The following KMT2D variants were observed in gnomAD, a reference collection of about 807,000 sequenced individuals.
The protein encoded by KMT2D is lysine methyltransferase 2D.
KMT2D carries 55 observed loss-of-function variants against 512.7 expected under a neutral mutation model. The observed-to-expected ratio is 0.11, with a 90% CI of 0.09 to 0.13. The LOEUF is 0.13. KMT2D is among the 10% of genes least tolerant of loss of function. KMT2D has a pLI of 1.00. For missense variants in KMT2D, 6,061 were observed against 7,127.9 expected (o/e 0.85, Z 5.39); for synonymous variants, 2,995 against 2,904.0 (o/e 1.03, Z -1.01).
chr12:49,037,763 G>C lies in KMT2D; in HGVS notation c.9593C>G (p.Pro3198Arg), dbSNP rs2120485313. 1.3e-6 allele frequency: 2 copies of C among 1,592,584 alleles called. No homozygotes were observed. The highest frequency in any genetic ancestry group is 1.1e-5 in the South Asian group (1 of 87,686). ...TGGPPAHLLT[P>R]SPLSGPGGSS... Reference sequence around the variant, plus strand: ...TCCTCCTGGGCCACTCAGTGGGCTGGGGGTCAGCAGGTGAGCTGGTGGTCC... The same window carrying C: ...TCCTCCTGGGCCACTCAGTGGGCTGCGGGTCAGCAGGTGAGCTGGTGGTCC... Residue 3198 changes from proline to arginine, a missense_variant, in exon 35 of 55, where the codon CCC becomes CGC. Physicochemically the swap from Pro to Arg is moderately radical, Grantham distance 103. Coordinates refer to ENST00000301067, the MANE Select transcript of KMT2D (RefSeq NM_003482.4).
Position 49,050,178 on chromosome 12 carries a change from G to C in KMT2D, c.3410C>G (p.Pro1137Arg), listed in dbSNP as rs760975158. The change falls in exon 12 of 55, where the codon CCT becomes CGT. Residue 1137 changes from proline (P) to arginine (R), a missense_variant. By Grantham distance (103) the Pro-to-Arg change is moderately radical. This residue lies in a region of KMT2D where 447 missense variants were observed against 500.1 expected (regional missense o/e 0.89). Transcript: ENST00000301067. ...AGCCAAACTGCCAGGGGTCTGTCCA[G>C]GCTCTGGCTGTGAACCCGGAGCATC... is the stretch of plus-strand genomic sequence containing the variant. The part of the protein sequence containing the change: ...GIDAPGSQPE[P>R]GQTPGSLASE... 3 of 1,613,850 alleles carry C rather than the reference G, an allele frequency of 1.9e-6. No homozygotes were observed. The highest frequency in any genetic ancestry group is 3.3e-5 in the Admixed American group (2 of 60,020).
Position 49,040,849 on chromosome 12 carries a change from A to G in KMT2D, c.6921T>C (p.Val2307=). 1 of 1,613,768 alleles carries G rather than the reference A, an allele frequency of 6.2e-7. No homozygotes were observed. Among genetic ancestry groups the G allele is most frequent in the Non-Finnish European group, 8.5e-7 (1 of 1,179,752 alleles). Residue 2307 remains valine (V), a synonymous_variant, in exon 32 of 55, where the codon GTT becomes GTC. Transcript: ENST00000301067. ...PSYGPPNLGF[V]DSPSSGTHLG... ...GGTGGGTGCCTGAGGAGGGTGAGTC[A>G]ACAAAGCCCAGGTTTGGGGGCCCAT...
In KMT2D at chr12:49,032,936, T is replaced by C. The variant is rs1943016692; in HGVS notation, c.11769A>G (p.Gln3923=). 2 of 1,550,346 alleles carry C rather than the reference T, an allele frequency of 1.3e-6. No individual in the cohort carries two copies. Among genetic ancestry groups the C allele is most frequent in the Non-Finnish European group, 8.7e-7 (1 of 1,146,834 alleles). The change falls in exon 40 of 55, where the codon CAA becomes CAG. Residue 3923 remains glutamine, a synonymous_variant. Coordinates refer to ENST00000301067, the MANE Select transcript of KMT2D (RefSeq NM_003482.4). ...QQQQQQQLQQ[Q]QQLQQQQLQQ... is the part of the protein sequence containing the mutation. ...GAAGCTGTTGCTGCTGAAGTTGCTG[T>C]TGCTGTTGTAGCTGCTGCTGCTGCT...
In KMT2D at chr12:49,031,124, C is replaced by T. The variant is rs534206546; in HGVS notation, c.13530+51G>A. 161 of 1,609,612 alleles carry T rather than the reference C, an allele frequency of 1.0e-4. 3 individuals are homozygous for T. The South Asian group carries it at 1.4e-3, about 14-fold the overall frequency. ...ACCCAGGCTCACTCATTCTGCCCCCCGCTGGCTCTAGGACCCACTCTACCT... is the reference window on the plus strand; with the variant it reads ...ACCCAGGCTCACTCATTCTGCCCCCTGCTGGCTCTAGGACCCACTCTACCT... On this transcript the variant is annotated intron_variant, in intron 40 of 54. Transcript: ENST00000301067.
chr12:49,046,857 T>C lies in KMT2D; in HGVS notation c.4237-67A>G. The C allele has an allele frequency of 6.9e-7, 1 of 1,448,986 alleles. No individual in the cohort carries two copies. Among genetic ancestry groups the C allele is most frequent in the Non-Finnish European group, 9.3e-7 (1 of 1,070,226 alleles). The allele number at this position is 1,448,986 out of a possible 1,614,324, so 89.8% of individuals were successfully genotyped here. On this transcript the variant is annotated intron_variant, in intron 15 of 54. Coordinates refer to ENST00000301067, the MANE Select transcript of KMT2D (RefSeq NM_003482.4). The surrounding 1 kb of genome is among the most constrained non-coding windows in gnomAD (Gnocchi z 4.2). ...AAGAGGTAGAACTTCTTTTTATTTT[T>C]TTTTGGAGATGGAGTTTTGCTCTTG...
At chr12:49,048,431 A>C (rs1937691341) in intron 14 of KMT2D, among the ~76,000 whole-genome samples, 1 of 152,242 alleles carries the variant, frequency 6.6e-6, no homozygotes, top group South Asian at 2.1e-4. Context: ...AATAAGGCAA[A>C]GACTTTTTCA....
In KMT2D at chr12:49,054,790, A is replaced by G. The variant is rs200968437; in HGVS notation, c.177-39T>C. ...AGCATCAGTACCACGCCAGGCCCCCAGCAACCCCATGATCTGGCATGCCCA... is the reference window on the plus strand; with the variant it reads ...AGCATCAGTACCACGCCAGGCCCCCGGCAACCCCATGATCTGGCATGCCCA... On this transcript the variant is annotated intron_variant, in intron 3 of 54. Coordinates refer to ENST00000301067, the MANE Select transcript of KMT2D (RefSeq NM_003482.4). This position sits in a 1 kb window ranked among gnomAD's most constrained non-coding sequence, Gnocchi z 6.4. The G allele has an allele frequency of 6.2e-7, 1 of 1,607,578 alleles. No individual in the cohort carries two copies.
At position 49,060,709 on chromosome 12, in the gene KMT2D, C is replaced by CG. The variant is rs1470580780; in HGVS notation, c.-1135dup. 2.6e-5 allele frequency among the ~76,000 whole-genome samples: 4 copies of CG among 152,244 alleles called. No individual in the cohort carries two copies. Among genetic ancestry groups the CG allele is most frequent in the African/African-American group, 9.6e-5 (4 of 41,562 alleles). The stretch of plus-strand genomic sequence containing the variant: ...TTCGTGAAGCCTTCGGCGCTAGATC[C>CG]GGGGGGGCCTTTTGCCCGGGGCACC... On this transcript the variant is annotated 5_prime_UTR_variant, in exon 1 of 55. Transcript: ENST00000301067.
intron 43 of KMT2D, among the ~76,000 whole-genome samples, chr12:49,029,696 C>T (rs770621369): frequency 1.9e-4 from 28 of 144,556 alleles, no homozygotes; most frequent in Non-Finnish European, 3.2e-4. Flanking sequence ...TTTTTTTTCC[C>T]GTAGAGATGG....
intron 13 of KMT2D, 139 bp downstream of exon 13, chr12:49,048,966 C>A: frequency 1.4e-6 from 1 of 697,924 alleles, no homozygotes. Context: ...AACCTGCGGG[C>A]CAAGTGGACA....
Position 49,028,072 on chromosome 12 carries a change from G to T in KMT2D, c.14452C>A (p.Leu4818Met), listed in dbSNP as rs1218498727. 1 of 1,613,964 alleles carries T rather than the reference G, an allele frequency of 6.2e-7. No homozygotes were observed. The highest frequency in any genetic ancestry group is 2.2e-5 in the East Asian group (1 of 44,872). ...GCCCGGGCGGGGCTCTCTGGGAACA[G>T]CACCTCATAGGAGTTGGGGATCTTC... Reference protein sequence around the residue: ...SMKIPNSYEVLFPESPARAGT... With the variant: ...SMKIPNSYEVMFPESPARAGT... The change falls in exon 47 of 55, where the codon CTG becomes ATG. Residue 4818 changes from leucine to methionine, a missense_variant. Transcript: ENST00000301067.
rs1942240038 is a variant in KMT2D, at chr12:49,020,195, T to C, written c.*1585A>G. On this transcript the variant is annotated 3_prime_UTR_variant, in exon 55 of 55. Transcript: ENST00000301067. Reference sequence around the variant, plus strand: ...TGGCTCCCCCTGGGGTCAGCTCTCTTTTGTGCGTTATAACATAGTCCAACT... The same window carrying C: ...TGGCTCCCCCTGGGGTCAGCTCTCTCTTGTGCGTTATAACATAGTCCAACT... 5.6e-6 allele frequency: 1 copy of C among 178,934 alleles called. No homozygotes were observed. The highest frequency in any genetic ancestry group is 2.0e-4 in the South Asian group (1 of 5,052). The allele number at this position is 178,934 out of a possible 1,614,324, so 11.1% of individuals were successfully genotyped here.
chr12:49,039,891 A>G lies in KMT2D; in HGVS notation c.7879T>C (p.Tyr2627His), dbSNP rs748285379. ...PPPAPDGSLP[Y>H]LSHGASQRSG... ...CGCTGTGAGGCTCCATGGGACAGGT[A>G]GGGGAGGGATCCGTCGGGTGCAGGT... Residue 2627 changes from tyrosine (Y) to histidine (H), a missense_variant, in exon 32 of 55, where the codon TAC becomes CAC. Tyr to His is a moderately conservative substitution (Grantham distance 83, BLOSUM62 2). This residue lies in a region of KMT2D where 527 missense variants were observed against 578.9 expected (regional missense o/e 0.91). Transcript: ENST00000301067. The surrounding 1 kb of genome is among the most constrained non-coding windows in gnomAD (Gnocchi z 5.0). 26 of 1,613,864 alleles carry G rather than the reference A, an allele frequency of 1.6e-5. No homozygotes were observed. The highest frequency in any genetic ancestry group is 2.1e-5 in the Non-Finnish European group (25 of 1,179,872).
At position 49,027,122 on chromosome 12, in the gene KMT2D, T is replaced by C. The variant is rs763631585; in HGVS notation, c.14844A>G (p.Ser4948=). 6 of 1,576,830 alleles carry C rather than the reference T, an allele frequency of 3.8e-6. No homozygotes were observed. The highest frequency in any genetic ancestry group is 2.3e-5 in the East Asian group (1 of 44,280). ...CAGGGGATGAGGCCAGTGGCAGAGG[T>C]GAGGGGACGGGTGGCTCAGCCAAGG... ...TEPLAEPPVP[S]PLPLASSPES... Residue 4948 remains serine (S), a synonymous_variant, in exon 49 of 55, where the codon TCA becomes TCG. Transcript: ENST00000301067.
chr12:49,039,109 A>G lies in KMT2D; in HGVS notation c.8366+113T>C. Reference sequence around the variant, plus strand: ...TGAGGGAGAAAAGGAATGAGGAAGAAGAGAAAGTGATACTGGAAAAGGATT... The same window carrying G: ...TGAGGGAGAAAAGGAATGAGGAAGAGGAGAAAGTGATACTGGAAAAGGATT... On this transcript the variant is annotated intron_variant, in intron 34 of 54. Transcript: ENST00000301067. This position sits in a 1 kb window ranked among gnomAD's most constrained non-coding sequence, Gnocchi z 5.0. 2 of 1,531,352 alleles carry G rather than the reference A, an allele frequency of 1.3e-6. No homozygotes were observed. The highest frequency in any genetic ancestry group is 9.0e-7 in the Non-Finnish European group (1 of 1,111,114). The allele number at this position is 1,531,352 out of a possible 1,614,324, so 94.9% of individuals were successfully genotyped here. A position where few individuals can be genotyped will look rare whatever the true frequency, so the allele number is the denominator to read the frequency against.
chr12:49,031,347 C>T lies in KMT2D; in HGVS notation c.13358G>A (p.Gly4453Asp), dbSNP rs1375999182. 6.2e-7 allele frequency: 1 copy of T among 1,613,576 alleles called. No individual in the cohort carries two copies. Among genetic ancestry groups the T allele is most frequent in the Non-Finnish European group, 8.5e-7 (1 of 1,179,896 alleles). The change falls in exon 40 of 55, where the codon GGC becomes GAC. Residue 4453 changes from glycine (G) to aspartate (D), a missense_variant. Physicochemically the swap from Gly to Asp is moderately conservative, Grantham distance 94. Coordinates refer to ENST00000301067, the MANE Select transcript of KMT2D (RefSeq NM_003482.4). Reference protein sequence around the residue: ...PGTSNHLLLAGPRSEAGHLLL... With the variant: ...PGTSNHLLLADPRSEAGHLLL... Reference sequence around the variant, plus strand: ...CAGATGCCCAGCTTCTGAGCGAGGGCCTGCCAGCAGGAGGTGGTTGCTGGT... The same window carrying T: ...CAGATGCCCAGCTTCTGAGCGAGGGTCTGCCAGCAGGAGGTGGTTGCTGGT...
In KMT2D at chr12:49,046,846, CT is replaced by C; in HGVS notation, c.4237-57del. The C allele has an allele frequency of 2.0e-6, 3 of 1,512,574 alleles. No individual in the cohort carries two copies. Among genetic ancestry groups the C allele is most frequent in the Non-Finnish European group, 2.7e-6 (3 of 1,115,296 alleles). 93.7% of individuals were successfully genotyped at this position (1,512,574 alleles called of 1,614,324 possible). A position where few individuals can be genotyped will look rare whatever the true frequency, so the allele number is the denominator to read the frequency against. On this transcript the variant is annotated intron_variant, in intron 15 of 54. Transcript: ENST00000301067. This position sits in a 1 kb window ranked among gnomAD's most constrained non-coding sequence, Gnocchi z 4.2. ...GTGAGGTGGAAAAGAGGTAGAACTT[CT>C]TTTTATTTTTTTTTGGAGATGGAGT...
intron 35 of KMT2D, 147 bp downstream of exon 35, chr12:49,036,978 C>T: frequency 1.0e-6 from 1 of 986,938 alleles, no homozygotes; most frequent in Non-Finnish European, 1.4e-6. Context: ...TACAGTGTTT[C>T]TGCCTCTACC....
chr12:49,052,648 A>G lies in KMT2D; in HGVS notation c.1174T>C (p.Cys392Arg), dbSNP rs769828573. 38 of 1,613,552 alleles carry G rather than the reference A, an allele frequency of 2.4e-5. No individual in the cohort carries two copies. The highest frequency in any genetic ancestry group is 3.1e-5 in the Non-Finnish European group (37 of 1,179,750). The change falls in exon 10 of 55, where the codon TGC (cysteine) becomes CGC (arginine). Residue 392 changes from cysteine (C) to arginine (R), a missense_variant. Physicochemically the swap from Cys to Arg is radical, Grantham distance 180. Transcript: ENST00000301067. ...TGCCCACCCTTTGGCTGCCCTTGGC[A>G]TGCAACGTACAGAGCATCGGGCTCG... ...TDEPDALYVA[C>R]QGQPKGGHVT...
Sources: allele counts gnomAD v4.1 joint callset (sites outside exome capture counted in the v4.1 genomes callset), GRCh38; gene constraint gnomAD v4.1.1; regional missense constraint gnomAD v4.1.1; non-coding constraint Gnocchi (gnomAD v3.1); transcripts MANE v1.5; gene names NCBI Gene and HGNC (gene_info 2026-07-23, HGNC 2026-07-21).